Variants in LAMA3 observed in about 807,000 individuals in gnomAD.
LAMA3 encodes laminin subunit alpha 3.
Under a neutral mutation model 402.0 loss-of-function variants are expected in LAMA3, and 281 were observed. The observed-to-expected ratio is 0.70, with a 90% CI of 0.63 to 0.77. The LOEUF (loss-of-function observed/expected upper bound fraction) is 0.77, where lower values mean the gene tolerates loss of function less well. Among genes scored for constraint, LAMA3 ranks in the 30% least tolerant of loss-of-function variants. The pLI is 0.00. For synonymous variants in LAMA3, 1,431 were observed against 1,558.4 expected (o/e 0.92, Z 1.93); for missense variants, 3,840 against 4,215.5 (o/e 0.91, Z 2.47).
chr18:23,874,256 G>A (rs2064630391), intron 38 of LAMA3, among the ~76,000 whole-genome samples: 1 of 152,194 alleles, frequency 6.6e-6, no homozygotes. Context: ...AGCAGGTAAT[G>A]TGATATACAC....
In LAMA3 at chr18:23,940,262, G is replaced by A. The variant is rs181586305; in HGVS notation, c.9026+876G>A. ...GACAGAGCCGGGTAGGAAGGGCCTC[G>A]GGTCGCAGTCCACAGACTGTAACAC... On this transcript the variant is annotated intron_variant, in intron 68 of 74. Coordinates refer to ENST00000313654, the MANE Select transcript of LAMA3 (RefSeq NM_198129.4). Among the ~76,000 whole-genome samples the A allele has an allele frequency of 1.3e-4, 20 of 152,298 alleles. No homozygotes were observed. The East Asian group carries it at 2.1e-3, about 16-fold the overall frequency.
At position 23,848,377 on chromosome 18, in the gene LAMA3, C is replaced by T. The variant is rs566577544; in HGVS notation, c.4136+709C>T. ...AGAGGCTGCATTGGAATGTGGAGGC[C>T]GGTGTCACATGGTTCCAGGTGACAA... On this transcript the variant is annotated intron_variant, in intron 32 of 74. Coordinates refer to ENST00000313654, the MANE Select transcript of LAMA3 (RefSeq NM_198129.4). Among the ~76,000 whole-genome samples, 186 of 152,260 alleles carry T rather than the reference C, an allele frequency of 1.2e-3. No homozygotes were observed. In the Middle Eastern group the frequency reaches 0.017, roughly 14 times the overall value.
At chr18:23,903,663 T>G (rs1323220840) in intron 49 of LAMA3, among the ~76,000 whole-genome samples, 1 of 152,246 alleles carries the variant, frequency 6.6e-6, no homozygotes, top group African/African-American at 2.4e-5. Context: ...ACTACAACTT[T>G]ATATTGATGA....
Position 23,904,506 on chromosome 18 carries a change from T to C in LAMA3, c.6474-47T>C, listed in dbSNP as rs181042037. ...AAAGGTTTGGGGGGATGTCAGCTGC[T>C]GGCAGAGGAAGGCTGTGGGGAGTGG... is the stretch of plus-strand genomic sequence containing the variant. On this transcript the variant is annotated intron_variant, in intron 50 of 74. Coordinates refer to ENST00000313654, the MANE Select transcript of LAMA3 (RefSeq NM_198129.4). The C allele has an allele frequency of 3.2e-6, 5 of 1,558,848 alleles. No homozygotes were observed. The East Asian group carries it at 7.1e-5, about 22-fold the overall frequency.
At chr18:23,837,233 A>G (rs1368603618) in intron 25 of LAMA3, 144 bp downstream of exon 25, 2 of 682,908 alleles carry the variant, frequency 2.9e-6, no homozygotes, top group East Asian at 5.5e-5. Flanking sequence ...CTTCCCATCT[A>G]GAACCTGACT....
At chr18:23,797,613 G>C (rs925919031) in intron 12 of LAMA3, among the ~76,000 whole-genome samples, 1 of 152,050 alleles carries the variant, frequency 6.6e-6, no homozygotes, top group African/African-American at 2.4e-5. Flanking sequence ...TACTCGGGAG[G>C]CTGAGGCACA....
At chr18:23,772,384 T>C (rs1294671428) in intron 8 of LAMA3, among the ~76,000 whole-genome samples, 3 of 152,168 alleles carry the variant, frequency 2.0e-5, no homozygotes, top group African/African-American at 7.2e-5. Context: ...CGTTGTTATG[T>C]TGGTTTCACT....
At chr18:23,771,366 A>G (rs918913861) in intron 8 of LAMA3, among the ~76,000 whole-genome samples, 1 of 152,274 alleles carries the variant, frequency 6.6e-6, no homozygotes, top group African/African-American at 2.4e-5. Flanking sequence ...AAAGTAGTCC[A>G]TAGTGGAGAA....
chr18:23,727,105 T>C (rs1251503835), intron 2 of LAMA3, among the ~76,000 whole-genome samples: 2 of 152,228 alleles, frequency 1.3e-5, no homozygotes, highest in Admixed American at 6.5e-5. Context: ...CCCATTTATA[T>C]ATTATTGTTT....
At position 23,867,841 on chromosome 18, in the gene LAMA3, A is replaced by C; in HGVS notation, c.4691A>C (p.His1564Pro). ...ATGGTTTTCTTTAAACAGGGTCAGC[A>C]CATGTCCATCATCTATGAGGAGACA... ...KKPDVQLTGQ[H>P]MSIIYEETNT... is the part of the protein sequence containing the mutation. The change falls in exon 37 of 75, where the codon CAC becomes CCC. Residue 1564 changes from histidine (H) to proline (P), a missense_variant. This residue lies in a region of LAMA3 where 2,109 missense variants were observed against 2,376.0 expected (regional missense o/e 0.89). Coordinates refer to ENST00000313654, the MANE Select transcript of LAMA3 (RefSeq NM_198129.4). 6.2e-7 allele frequency: 1 copy of C among 1,613,860 alleles called. No homozygotes were observed. Among genetic ancestry groups the C allele is most frequent in the Non-Finnish European group, 8.5e-7 (1 of 1,179,748 alleles).
chr18:23,797,081 G>A (rs1332648571), intron 12 of LAMA3, among the ~76,000 whole-genome samples: 1 of 152,156 alleles, frequency 6.6e-6, no homozygotes, highest in Non-Finnish European at 1.5e-5. Context: ...ATCCAGCCTT[G>A]GAGAAGCCTG....
At position 23,920,975 on chromosome 18, in the gene LAMA3, T is replaced by C. The variant is rs1202609679; in HGVS notation, c.7964T>C (p.Met2655Thr). The stretch of plus-strand genomic sequence containing the variant: ...CTAAATATAGAAGATGGCAAGCTCA[T>C]GGTGAGATACAAACTGAATTCAGAG... The part of the protein sequence containing the change: ...ISLNIEDGKL[M>T]VRYKLNSELP... Residue 2655 changes from methionine (M) to threonine (T), a missense_variant, in exon 61 of 75, where the codon ATG (methionine) becomes ACG (threonine). Physicochemically the swap from Met to Thr is moderately conservative, Grantham distance 81. Coordinates refer to ENST00000313654, the MANE Select transcript of LAMA3 (RefSeq NM_198129.4). 6.2e-7 allele frequency: 1 copy of C among 1,614,082 alleles called. No individual in the cohort carries two copies. Among genetic ancestry groups the C allele is most frequent in the South Asian group, 1.1e-5 (1 of 91,074 alleles).
intron 32 of LAMA3, among the ~76,000 whole-genome samples, chr18:23,849,637 G>T (rs182795365): frequency 2.8e-4 from 42 of 152,342 alleles, no homozygotes; most frequent in Admixed American, 1.4e-3. Flanking sequence ...AGTATTTTAT[G>T]TAAAAATCCC....
At chr18:23,938,702 A>G (rs2082388623) in intron 67 of LAMA3, among the ~76,000 whole-genome samples, 1 of 151,916 alleles carries the variant, frequency 6.6e-6, no homozygotes, top group Non-Finnish European at 1.5e-5. Context: ...GCGACACTGC[A>G]GTTCTTCCAA....
intron 38 of LAMA3, among the ~76,000 whole-genome samples, chr18:23,874,191 A>G (rs926426066): frequency 1.3e-5 from 2 of 152,232 alleles, no homozygotes; most frequent in African/African-American, 4.8e-5. Flanking sequence ...TAAACTAACC[A>G]GATCTATCTG....
chr18:23,888,190 C>T (rs906346453), intron 41 of LAMA3, among the ~76,000 whole-genome samples: 4 of 152,146 alleles, frequency 2.6e-5, no homozygotes, highest in African/African-American at 4.8e-5. Flanking sequence ...TATGACCACC[C>T]TGCTTAGTAG....
intron 60 of LAMA3, among the ~76,000 whole-genome samples, chr18:23,920,033 T>C (rs1227853012): frequency 1.3e-5 from 2 of 151,986 alleles, no homozygotes; most frequent in East Asian, 3.9e-4. Flanking sequence ...GAATGATTCC[T>C]AGGTTATGAT....
In LAMA3 at chr18:23,894,357, A is replaced by C; in HGVS notation, c.5461+9A>C. The C allele has an allele frequency of 6.2e-7, 1 of 1,611,102 alleles. No individual in the cohort carries two copies. Among genetic ancestry groups the C allele is most frequent in the Non-Finnish European group, 8.5e-7 (1 of 1,177,228 alleles). On this transcript the variant is annotated intron_variant, in intron 43 of 74. Transcript: ENST00000313654. Reference sequence around the variant, plus strand: ...TGCAGAAGAATGTGATGGTGAGAAAAGAAAGCCCCTCCTCCTCCTTTCCAA... The same window carrying C: ...TGCAGAAGAATGTGATGGTGAGAAACGAAAGCCCCTCCTCCTCCTTTCCAA...
intron 8 of LAMA3, among the ~76,000 whole-genome samples, chr18:23,764,824 C>T (rs1291916664): frequency 6.6e-6 from 1 of 152,084 alleles, no homozygotes; most frequent in Non-Finnish European, 1.5e-5. Flanking sequence ...TATTGATAAT[C>T]AATGGACAAG....
Sources: gnomAD v4.1 joint callset for allele counts (sites outside exome capture counted in the v4.1 genomes callset) on GRCh38, gnomAD v4.1.1 for gene constraint, gnomAD v4.1.1 regional missense constraint, MANE v1.5 for transcripts, NCBI Gene and HGNC (gene_info 2026-07-23, HGNC 2026-07-21) for gene names.